The following UBR2 variants were observed in gnomAD, a reference collection of about 807,000 sequenced individuals.
UBR2 encodes the protein E3 ubiquitin-protein ligase UBR2.
Under a neutral mutation model 247.9 loss-of-function variants are expected in UBR2, and 92 were observed. That is an observed-to-expected ratio of 0.37 (90% confidence interval 0.31 to 0.44). The LOEUF is 0.44. UBR2 is among the 20% of genes least tolerant of loss of function. The pLI is 1.00. For synonymous variants in UBR2, 672 were observed against 693.5 expected, an observed-to-expected ratio of 0.97 and a Z score of 0.49; for missense variants, 1,613 against 2,112.6, an observed-to-expected ratio of 0.76 and a Z score of 4.64.
intron 4 of UBR2, among the ~76,000 whole-genome samples, chr6:42,603,027 C>A (rs1004806977): frequency 1.3e-5 from 2 of 152,098 alleles, no homozygotes; most frequent in Non-Finnish European, 2.9e-5. Flanking sequence ...CTCACTCTTA[C>A]GTCTAGTGTA....
At chr6:42,632,069 A>AAAAAAAAAAAAT (rs56721828) in intron 11 of UBR2, among the ~76,000 whole-genome samples, 4 of 114,076 alleles carry the variant, frequency 3.5e-5, no homozygotes, top group African/African-American at 1.4e-4. Context: ...AAAAAAAAAA[A>AAAAAAAAAAAAT]ATATATATAT....
intron 8 of UBR2, among the ~76,000 whole-genome samples, chr6:42,614,006 G>A (rs971623476): frequency 3.3e-5 from 5 of 150,490 alleles, no homozygotes; most frequent in African/African-American, 4.9e-5. Context: ...GTGAAACCCC[G>A]TCTGTACTAA....
chr6:42,658,998 G>T (rs78392053), intron 29 of UBR2, among the ~76,000 whole-genome samples, 174 bp downstream of exon 29: 9,402 of 152,086 alleles, frequency 0.062, 375 homozygotes, highest in Non-Finnish European at 0.09. Context: ...TCTGAATGTA[G>T]GTATGGTAAG....
In UBR2 at chr6:42,615,192, C is replaced by G; in HGVS notation, c.1093+14C>G. The G allele has an allele frequency of 6.2e-7, 1 of 1,601,518 alleles. No homozygotes were observed. The highest frequency in any genetic ancestry group is 8.5e-7 in the Non-Finnish European group (1 of 1,172,418). On this transcript the variant is annotated intron_variant, in intron 9 of 46. Coordinates refer to ENST00000372901, the MANE Select transcript of UBR2 (RefSeq NM_001363705.2). Reference sequence around the variant, plus strand: ...AATTATGGAAAGGTGAATCTCTTAACTACTTTTAAGGTGTAGAGGAACCTA... The same window carrying G: ...AATTATGGAAAGGTGAATCTCTTAAGTACTTTTAAGGTGTAGAGGAACCTA...
intron 25 of UBR2, among the ~76,000 whole-genome samples, chr6:42,654,122 G>A (rs1797291821): frequency 6.6e-6 from 1 of 152,036 alleles, no homozygotes; most frequent in Non-Finnish European, 1.5e-5. Context: ...CTTTCTTTTT[G>A]TCTCACTGGC....
rs535573811 is a variant in UBR2, at chr6:42,616,632, C to CTT, written c.1182+554_1182+555dup. Among the ~76,000 whole-genome samples the CTT allele has an allele frequency of 2.4e-3, 318 of 135,172 alleles. 1 individual carries two copies. Among genetic ancestry groups the CTT allele is most frequent in the Middle Eastern group, 7.6e-3 (2 of 262 alleles). 88.7% of individuals were successfully genotyped at this position (135,172 alleles called of 152,430 possible). A position where few individuals can be genotyped will look rare whatever the true frequency, so the allele number is the denominator to read the frequency against. On this transcript the variant is annotated intron_variant, in intron 10 of 46. Coordinates refer to ENST00000372901, the MANE Select transcript of UBR2 (RefSeq NM_001363705.2). The stretch of plus-strand genomic sequence containing the variant: ...CATGCTAAGGAAAACATGTATTTTG[C>CTT]TTTTTTTTTTTTTAAGAAACAAGGT...
rs144895865 is a variant in UBR2 at position 42,659,202 on chromosome 6, A to G, written c.3242+378A>G. Among the ~76,000 whole-genome samples the G allele has an allele frequency of 4.2e-3, 639 of 152,260 alleles. 5 individuals are homozygous for G. Among genetic ancestry groups the G allele is most frequent in the African/African-American group, 0.014 (568 of 41,526 alleles). Reference sequence around the variant, plus strand: ...AAGTTATCAAAACCATGTGTTAAATATATACATTCCTGGCTGTGCGTGGTG... The same window carrying G: ...AAGTTATCAAAACCATGTGTTAAATGTATACATTCCTGGCTGTGCGTGGTG... On this transcript the variant is annotated intron_variant, in intron 29 of 46. Coordinates refer to ENST00000372901, the MANE Select transcript of UBR2 (RefSeq NM_001363705.2). The surrounding 1 kb of genome is among the most constrained non-coding windows in gnomAD (Gnocchi z 4.3).
At chr6:42,595,877 A>G (rs990473828) in intron 4 of UBR2, among the ~76,000 whole-genome samples, 7 of 151,986 alleles carry the variant, frequency 4.6e-5, no homozygotes, top group African/African-American at 1.7e-4. Flanking sequence ...GCTTTGTGAA[A>G]GGGTTCTGTA....
chr6:42,675,909 G>T, intron 38 of UBR2, 147 bp from the exon 39 acceptor site: 1 of 1,048,440 alleles, frequency 9.5e-7, no homozygotes, highest in Non-Finnish European at 1.3e-6. Flanking sequence ...GTGAACCGAG[G>T]TTGCGCCATT....
rs1445033367 is a variant in UBR2, at chr6:42,659,560, CACT to C, written c.3243-93_3243-91del. 79 of 709,354 alleles carry C rather than the reference CACT, an allele frequency of 1.1e-4. No homozygotes were observed. The highest frequency in any genetic ancestry group is 7.3e-4 in the African/African-American group (37 of 50,772). 43.9% of individuals were successfully genotyped at this position (709,354 alleles called of 1,614,324 possible). A position where few individuals can be genotyped will look rare whatever the true frequency, so the allele number is the denominator to read the frequency against. On this transcript the variant is annotated intron_variant, in intron 29 of 46. Coordinates refer to ENST00000372901, the MANE Select transcript of UBR2 (RefSeq NM_001363705.2). This position sits in a 1 kb window ranked among gnomAD's most constrained non-coding sequence, Gnocchi z 4.3. ...ACACACACACACACACACACACACA[CACT>C]ACACACACACACACATACCTGTAGT...
intron 5 of UBR2, 133 bp from the exon 6 acceptor site, chr6:42,605,588 C>A: frequency 1.4e-6 from 1 of 691,480 alleles, no homozygotes; most frequent in Non-Finnish European, 2.2e-6. Flanking sequence ...AGCATAGGAC[C>A]ACAGATGAAT....
chr6:42,640,383 G>GGGGTGT (rs1327619830), intron 16 of UBR2, 113 bp downstream of exon 16: 14 of 174,376 alleles, frequency 8.0e-5, no homozygotes, highest in African/African-American at 3.2e-4. Flanking sequence ...GAACCAGTAA[G>GGGGTGT]GTGTGTGTGT....
rs746409490 is a variant in UBR2 at position 42,573,791 on chromosome 6, G to A, written c.136G>A (p.Val46Ile). The A allele has an allele frequency of 6.2e-7, 1 of 1,612,254 alleles. No homozygotes were observed. Among genetic ancestry groups the A allele is most frequent in the Admixed American group, 1.7e-5 (1 of 59,782 alleles). Residue 46 changes from valine to isoleucine, a missense_variant, in exon 2 of 47, where the codon GTA (valine) becomes ATA (isoleucine). Physicochemically the swap from Val to Ile is conservative, Grantham distance 29 (BLOSUM62 3). Coordinates refer to ENST00000372901, the MANE Select transcript of UBR2 (RefSeq NM_001363705.2). Reference sequence around the variant, plus strand: ...AGTGTACCAGCATTTAGCCCACTATGTACCCAAAATCTACTGCAGGGGTCC... The same window carrying A: ...AGTGTACCAGCATTTAGCCCACTATATACCCAAAATCTACTGCAGGGGTCC... ...REVYQHLAHY[V>I]PKIYCRGPNP... is the part of the protein sequence containing the mutation.
chr6:42,669,960 A>G lies in UBR2; in HGVS notation c.3882-132A>G, dbSNP rs866564521. ...GGGGCAGTTTGCATTATCTCTGATC[A>G]CTGCATACAATTATCTCTGGATATA... On this transcript the variant is annotated intron_variant, in intron 34 of 46. Coordinates refer to ENST00000372901, the MANE Select transcript of UBR2 (RefSeq NM_001363705.2). The G allele has an allele frequency of 2.7e-4, 306 of 1,114,320 alleles. 6 individuals carry two copies. The South Asian group carries it at 3.0e-3, about 11-fold the overall frequency. 69.0% of individuals were successfully genotyped at this position (1,114,320 alleles called of 1,614,324 possible). A position where few individuals can be genotyped will look rare whatever the true frequency, so the allele number is the denominator to read the frequency against.
At chr6:42,631,947 A>G (rs1380988573) in intron 11 of UBR2, among the ~76,000 whole-genome samples, 1 of 143,220 alleles carries the variant, frequency 7.0e-6, no homozygotes, top group African/African-American at 2.6e-5. Context: ...CCATCTCTGC[A>G]AGAATATGCA....
intron 14 of UBR2, 130 bp from the exon 15 acceptor site, chr6:42,636,881 G>C: frequency 2.2e-6 from 2 of 914,410 alleles, no homozygotes; most frequent in Middle Eastern, 3.3e-4. Context: ...ACCAAATTTG[G>C]GAGGGAGGAT....
intron 7 of UBR2, among the ~76,000 whole-genome samples, chr6:42,611,963 C>T (rs547777300): frequency 2.3e-4 from 35 of 150,892 alleles, no homozygotes; most frequent in Admixed American, 1.9e-3. Context: ...GCTGAACCTT[C>T]GTATTTTTTT....
At chr6:42,598,399 G>A (rs1017780781) in intron 4 of UBR2, among the ~76,000 whole-genome samples, 1 of 152,136 alleles carries the variant, frequency 6.6e-6, no homozygotes, top group Non-Finnish European at 1.5e-5. Flanking sequence ...CCTATAGCCT[G>A]CTAAGACTAA....
At chr6:42,564,446 C>A in intron 1 of UBR2, 49 bp downstream of exon 1, 1 of 1,580,288 alleles carries the variant, frequency 6.3e-7, no homozygotes, top group Non-Finnish European at 8.6e-7. Flanking sequence ...CAGGCCGCGC[C>A]TGTGGGGAGG....
Sources: allele counts gnomAD v4.1 joint callset (sites outside exome capture counted in the v4.1 genomes callset), GRCh38; gene constraint gnomAD v4.1.1; non-coding constraint Gnocchi (gnomAD v3.1); transcripts MANE v1.5; gene names NCBI Gene and HGNC (gene_info 2026-07-23, HGNC 2026-07-21).